KCNQ4: variants seen among roughly 807,000 people sequenced by gnomAD.
The protein encoded by KCNQ4 is potassium voltage-gated channel subfamily Q member 4, also known as potassium voltage-gated channel subfamily KQT member 4.
A neutral mutation model predicts 72.6 loss-of-function variants in KCNQ4; 31 were observed. That is an observed-to-expected ratio of 0.43 (90% CI 0.32 to 0.58). KCNQ4 has a LOEUF of 0.58. KCNQ4 is among the 20% of genes least tolerant of loss of function. The pLI is 0.08. For synonymous variants in KCNQ4, 405 were observed against 403.7 expected (o/e 1.00, Z -0.04); for missense variants, 869 against 962.6 (o/e 0.90, Z 1.29).
intron 1 of KCNQ4, among the ~76,000 whole-genome samples, chr1:40,806,218 G>A (rs561989801): frequency 3.9e-4 from 60 of 152,342 alleles, no homozygotes; most frequent in African/African-American, 1.3e-3. Flanking sequence ...CAGTGGAACC[G>A]AGGGAAGGTT....
chr1:40,832,171 C>T (rs1298988975), intron 10 of KCNQ4, among the ~76,000 whole-genome samples: 1 of 152,224 alleles, frequency 6.6e-6, no homozygotes, highest in Non-Finnish European at 1.5e-5. Context: ...AAGACTTCTC[C>T]CAGCTTTGAC....
chr1:40,837,942 C>T (rs1648854072), intron 13 of KCNQ4, 148 bp downstream of exon 13: 2 of 1,123,936 alleles, frequency 1.8e-6, no homozygotes, highest in Admixed American at 2.2e-5. Flanking sequence ...CCCCCGCCCT[C>T]GCCGCCAGAC....
intron 8 of KCNQ4, among the ~76,000 whole-genome samples, chr1:40,823,011 C>T (rs1431696113): frequency 6.6e-6 from 1 of 152,212 alleles, no homozygotes; most frequent in Non-Finnish European, 1.5e-5. Flanking sequence ...CTGGCTAGGC[C>T]CTCAGGCAGG....
At chr1:40,833,254 C>CA (rs1648710351) in intron 11 of KCNQ4, 141 bp downstream of exon 11, 2 of 648,842 alleles carry the variant, frequency 3.1e-6, no homozygotes, top group Admixed American at 2.1e-5. Flanking sequence ...ACTAAAAATA[C>CA]AAAAAATTAG....
chr1:40,791,396 A>AG (rs1647281462), intron 1 of KCNQ4, among the ~76,000 whole-genome samples: 1 of 152,094 alleles, frequency 6.6e-6, no homozygotes, highest in Admixed American at 6.6e-5. Flanking sequence ...CAGGGCACTC[A>AG]GGGGGCTGCC....
chr1:40,808,071 C>T (rs577611700), intron 1 of KCNQ4, among the ~76,000 whole-genome samples: 2 of 151,030 alleles, frequency 1.3e-5, no homozygotes, highest in South Asian at 4.1e-4. Flanking sequence ...TGCACCACTG[C>T]ATTCCAACAC....
chr1:40,818,804 G>C, intron 4 of KCNQ4, 124 bp downstream of exon 4: 1 of 1,124,548 alleles, frequency 8.9e-7, no homozygotes, highest in Non-Finnish European at 1.3e-6. Flanking sequence ...TGGCCTGCGG[G>C]GGTTGGAGCC....
chr1:40,822,639 T>C (rs1350167339), intron 8 of KCNQ4, among the ~76,000 whole-genome samples: 2 of 152,158 alleles, frequency 1.3e-5, no homozygotes. Context: ...CCCTGCCCCA[T>C]GGCTGAACCC....
chr1:40,813,962 T>A (rs954154447), intron 1 of KCNQ4, among the ~76,000 whole-genome samples: 3 of 151,738 alleles, frequency 2.0e-5, no homozygotes, highest in Admixed American at 6.6e-5. Flanking sequence ...TTAGTCAGGA[T>A]GGTCTCGATC....
intron 13 of KCNQ4, 124 bp from the exon 14 acceptor site, chr1:40,838,187 T>C: frequency 1.2e-6 from 1 of 840,948 alleles, no homozygotes; most frequent in Admixed American, 2.0e-5. Flanking sequence ...CAGGCGGGAT[T>C]TGTGCTTCCC....
chr1:40,818,964 A>G, intron 4 of KCNQ4: 1 of 579,434 alleles, frequency 1.7e-6, no homozygotes, highest in South Asian at 2.0e-5. Flanking sequence ...TGAAGGGACC[A>G]CTCGTACCAC....
chr1:40,812,382 G>A (rs1298597094), intron 1 of KCNQ4, among the ~76,000 whole-genome samples: 2 of 152,124 alleles, frequency 1.3e-5, no homozygotes, highest in African/African-American at 2.4e-5. Flanking sequence ...TCAGCCTCCC[G>A]AGTAGCTGGG....
intron 12 of KCNQ4, among the ~76,000 whole-genome samples, chr1:40,835,484 C>T (rs1648783633): frequency 6.6e-6 from 1 of 152,242 alleles, no homozygotes; most frequent in African/African-American, 2.4e-5. Context: ...AATCCTCCCA[C>T]ATCTCTCTGG....
chr1:40,815,238 C>CA (rs59957166), intron 1 of KCNQ4, among the ~76,000 whole-genome samples: 44,740 of 128,680 alleles, frequency 0.35, 7,427 homozygotes, highest in Middle Eastern at 0.45. Flanking sequence ...GACTCCATCT[C>CA]AAAAAAAAAA....
At chr1:40,819,541 C>G in intron 5 of KCNQ4, 69 bp downstream of exon 5, 1 of 1,593,458 alleles carries the variant, frequency 6.3e-7, no homozygotes, top group Admixed American at 1.7e-5. Context: ...CGAGGTCTGC[C>G]CATCGTGACT....
In KCNQ4 at chr1:40,816,025, G is replaced by A. The variant is rs138138051; in HGVS notation, c.315-1240G>A. On this transcript the variant is annotated intron_variant, in intron 1 of 13. Coordinates refer to ENST00000347132, the MANE Select transcript of KCNQ4 (RefSeq NM_004700.4). Reference sequence around the variant, plus strand: ...TTCTGAAGGGGGGATAGTGGGGTGCGGGAATCAGAGGCTCCGTAGAGCTTT... The same window carrying A: ...TTCTGAAGGGGGGATAGTGGGGTGCAGGAATCAGAGGCTCCGTAGAGCTTT... Among the ~76,000 whole-genome samples, 12 of 144,768 alleles carry A rather than the reference G, an allele frequency of 8.3e-5. 1 individual carries two copies. Among genetic ancestry groups the A allele is most frequent in the Admixed American group, 4.8e-4 (7 of 14,496 alleles). The allele number at this position is 144,768 out of a possible 152,430, so 95.0% of individuals were successfully genotyped here. A position where few individuals can be genotyped will look rare whatever the true frequency, so the allele number is the denominator to read the frequency against.
Position 40,838,499 on chromosome 1 carries a change from C to G in KCNQ4, c.2064C>G (p.Arg688=), listed in dbSNP as rs1195942256. Reference sequence around the variant, plus strand: ...CCGCACAGACGCTCAGCATCTCCCGCTCGGTCAGCACCAACATGGACTGAG... The same window carrying G: ...CCGCACAGACGCTCAGCATCTCCCGGTCGGTCAGCACCAACATGGACTGAG... The part of the protein sequence containing the change: ...SVSAQTLSIS[R]SVSTNMD The change falls in exon 14 of 14, where the codon CGC becomes CGG. Residue 688 remains arginine (R), a synonymous_variant. Transcript: ENST00000347132. 1 of 1,614,028 alleles carries G rather than the reference C, an allele frequency of 6.2e-7. No individual in the cohort carries two copies. The highest frequency in any genetic ancestry group is 1.3e-5 in the African/African-American group (1 of 74,940).
intron 2 of KCNQ4, 23 bp from the exon 3 acceptor site, chr1:40,818,141 A>G (rs778668591): frequency 2.5e-6 from 4 of 1,613,694 alleles, no homozygotes; most frequent in African/African-American, 1.3e-5. Flanking sequence ...TGAGGACCAG[A>G]ACTCAGGCCC....
chr1:40,825,735 A>T (rs1367069845), intron 9 of KCNQ4, among the ~76,000 whole-genome samples: 1 of 152,090 alleles, frequency 6.6e-6, no homozygotes, highest in Admixed American at 6.5e-5. Context: ...GAGTTTTTGT[A>T]TCCCAGCAAT....
Sources: allele counts gnomAD v4.1 joint callset (sites outside exome capture counted in the v4.1 genomes callset), GRCh38; gene constraint gnomAD v4.1.1; transcripts MANE v1.5; gene names NCBI Gene and HGNC (gene_info 2026-07-23, HGNC 2026-07-21).